NDE1: variants seen among roughly 807,000 people sequenced by gnomAD.
NDE1 encodes the protein nuclear distribution protein nudE homolog 1.
NDE1 carries 28 observed loss-of-function variants against 43.4 expected under a neutral mutation model. The observed-to-expected ratio is 0.65, with a 90% CI of 0.48 to 0.89. The LOEUF (loss-of-function observed/expected upper bound fraction) is 0.89. Among genes scored for constraint, NDE1 ranks in the 40% least tolerant of loss-of-function variants. The probability of loss-of-function intolerance (pLI) is 0.00; values close to 1 mark genes in which losing one functional copy is unlikely to be tolerated. For missense variants in NDE1, 441 were observed against 434.1 expected, an observed-to-expected ratio of 1.02 and a Z score of -0.14; for synonymous variants, 184 against 172.0, an observed-to-expected ratio of 1.07 and a Z score of -0.55.
intron 1 of NDE1, among the ~76,000 whole-genome samples, chr16:15,661,244 G>T (rs980986654): frequency 6.6e-6 from 1 of 151,084 alleles, no homozygotes; most frequent in South Asian, 2.1e-4. Context: ...CGCCTCCCGG[G>T]TTCAAGCCAT....
intron 6 of NDE1, among the ~76,000 whole-genome samples, chr16:15,692,060 G>T (rs2038781863): frequency 6.6e-6 from 1 of 151,852 alleles, no homozygotes; most frequent in South Asian, 2.1e-4. Flanking sequence ...AACGTGTGCT[G>T]CATGGGCAGA....
At chr16:15,644,720 T>C (rs2036276634) in intron 1 of NDE1, among the ~76,000 whole-genome samples, 1 of 152,186 alleles carries the variant, frequency 6.6e-6, no homozygotes, top group Non-Finnish European at 1.5e-5. Context: ...CGTTTTGGCT[T>C]TTTTCAAAGT....
chr16:15,678,055 AG>A (rs1293095452), intron 4 of NDE1, 106 bp downstream of exon 4: 3 of 1,378,732 alleles, frequency 2.2e-6, no homozygotes, highest in Non-Finnish European at 3.1e-6. Flanking sequence ...CTAAGCAGTG[AG>A]CAGAACAAAG....
At chr16:15,686,324 A>G (rs2038436977) in intron 4 of NDE1, 2 of 951,670 alleles carry the variant, frequency 2.1e-6, no homozygotes, top group Non-Finnish European at 1.3e-6. Context: ...CTTGTTTTGC[A>G]TGAGAGAAAA....
At chr16:15,724,138 G>T in intron 8 of NDE1, 53 bp from the exon 9 acceptor site, 1 of 1,612,032 alleles carries the variant, frequency 6.2e-7, no homozygotes. Flanking sequence ...TGGCCAGAGT[G>T]GGGGACACCC....
At chr16:15,681,253 CTTTTTTTTT>C (rs71134448) in intron 4 of NDE1, among the ~76,000 whole-genome samples, 3 of 31,430 alleles carry the variant, frequency 9.5e-5, no homozygotes, top group South Asian at 1.7e-3. Context: ...TAAACACTGC[CTTTTTTTTT>C]TTTTTTTTTT....
chr16:15,678,936 C>T (rs914449199), intron 4 of NDE1, among the ~76,000 whole-genome samples: 14 of 151,676 alleles, frequency 9.2e-5, no homozygotes, highest in African/African-American at 1.9e-4. Context: ...ATTAGCCGGG[C>T]GTGGTGGCGG....
intron 8 of NDE1, chr16:15,719,619 T>C (rs1171305063): frequency 6.2e-7 from 1 of 1,614,222 alleles, no homozygotes; most frequent in African/African-American, 1.3e-5. Flanking sequence ...TTCCAAGCTC[T>C]TGGCTTTCTT....
intron 1 of NDE1, among the ~76,000 whole-genome samples, chr16:15,661,853 G>A (rs1290211740): frequency 2.0e-5 from 3 of 152,042 alleles, no homozygotes; most frequent in Non-Finnish European, 2.9e-5. Context: ...CCCCTGCCCC[G>A]AAAAGTCATA....
At chr16:15,690,370 T>C (rs1451163316) in intron 5 of NDE1, among the ~76,000 whole-genome samples, 1 of 125,500 alleles carries the variant, frequency 8.0e-6, no homozygotes, top group African/African-American at 3.0e-5. Context: ...TTTTTTTTTT[T>C]TTTTTTTTTT....
At chr16:15,672,242 C>T (rs895861067) in intron 3 of NDE1, among the ~76,000 whole-genome samples, 2 of 151,938 alleles carry the variant, frequency 1.3e-5, no homozygotes, top group Admixed American at 1.3e-4. Flanking sequence ...AGACTGTCCT[C>T]GCTAACATGG....
chr16:15,717,201 T>C lies in NDE1; in HGVS notation c.948-6990T>C, dbSNP rs764219360. Reference sequence around the variant, plus strand: ...ATCTTGGCCTCCAGCGCCGCGATGGTGGACTTGAACTTGGACTTGACGGCC... The same window carrying C: ...ATCTTGGCCTCCAGCGCCGCGATGGCGGACTTGAACTTGGACTTGACGGCC... On this transcript the variant is annotated intron_variant, in intron 8 of 8. Transcript: ENST00000396354. 1.6e-5 allele frequency: 26 copies of C among 1,614,134 alleles called. No individual in the cohort carries two copies. The Middle Eastern group carries it at 4.9e-4, about 31-fold the overall frequency.
At chr16:15,683,850 C>T (rs1157223372) in intron 4 of NDE1, among the ~76,000 whole-genome samples, 1 of 152,118 alleles carries the variant, frequency 6.6e-6, no homozygotes, top group Non-Finnish European at 1.5e-5. Flanking sequence ...CATAGTGAGA[C>T]TCCCGTCTCT....
chr16:15,696,825 G>A lies in NDE1; in HGVS notation c.912G>A (p.Arg304=). Residue 304 remains arginine (R), a synonymous_variant, in exon 8 of 9, where the codon CGG becomes CGA. Coordinates refer to ENST00000396354, the MANE Select transcript of NDE1 (RefSeq NM_017668.3). The part of the protein sequence containing the change: ...SSKNRDGGER[R]PSSTSVPLGD... ...AGAACAGAGATGGCGGGGAGAGACGGCCAAGCAGCACCAGCGTGCCTTTGG... is the reference window on the plus strand; with the variant it reads ...AGAACAGAGATGGCGGGGAGAGACGACCAAGCAGCACCAGCGTGCCTTTGG... 1 of 1,614,176 alleles carries A rather than the reference G, an allele frequency of 6.2e-7. No individual in the cohort carries two copies. Among genetic ancestry groups the A allele is most frequent in the Non-Finnish European group, 8.5e-7 (1 of 1,180,030 alleles).
intron 8 of NDE1, chr16:15,708,892 G>A: frequency 1.3e-6 from 2 of 1,528,248 alleles, no homozygotes; most frequent in Non-Finnish European, 9.0e-7. Context: ...ACAAGAAGGA[G>A]CCCGGTTAAG....
At chr16:15,665,872 T>G (rs932376595) in intron 2 of NDE1, among the ~76,000 whole-genome samples, 1 of 151,874 alleles carries the variant, frequency 6.6e-6, no homozygotes, top group Non-Finnish European at 1.5e-5. Context: ...TTCTCTTGCC[T>G]CAGCCTCCCG....
At chr16:15,706,715 CAAA>C (rs554587198) in intron 8 of NDE1, among the ~76,000 whole-genome samples, 1 of 150,006 alleles carries the variant, frequency 6.7e-6, no homozygotes. Context: ...AAAAAAAAAA[CAAA>C]AAAAAATCTG....
At chr16:15,712,887 T>G (rs1409651850) in intron 8 of NDE1, 2 of 142,618 alleles carry the variant, frequency 1.4e-5, no homozygotes, top group Admixed American at 7.0e-5. Context: ...ATACAGTTTT[T>G]TTTTTTTTGA....
chr16:15,649,887 A>G (rs2036410854), upstream of NDE1, among the ~76,000 whole-genome samples: 1 of 152,214 alleles, frequency 6.6e-6, no homozygotes, highest in African/African-American at 2.4e-5. Flanking sequence ...AAAGTGCAAG[A>G]ATGGGAAAAT....
Sources: gnomAD v4.1 joint callset for allele counts (sites outside exome capture counted in the v4.1 genomes callset) on GRCh38, gnomAD v4.1.1 for gene constraint, MANE v1.5 for transcripts, NCBI Gene and HGNC (gene_info 2026-07-23, HGNC 2026-07-21) for gene names.